Variants in CADPS observed in about 807,000 individuals in gnomAD.
CADPS encodes calcium dependent secretion activator, also known as calcium-dependent secretion activator 1.
A neutral mutation model predicts 167.3 loss-of-function variants in CADPS; 57 were observed. That is an observed-to-expected ratio of 0.34 (90% CI 0.28 to 0.42). The LOEUF is 0.42. Among genes scored for constraint, CADPS ranks in the 20% least tolerant of loss-of-function variants. The pLI is 1.00. For missense variants in CADPS, 1,414 were observed against 1,738.1 expected (o/e 0.81, Z 3.32); for synonymous variants, 676 against 635.3 (o/e 1.06, Z -0.96).
At chr3:62,854,509 C>G (rs2079264950) in intron 1 of CADPS, among the ~76,000 whole-genome samples, 1 of 152,158 alleles carries the variant, frequency 6.6e-6, no homozygotes, top group East Asian at 1.9e-4. Context: ...TCTCTGCTGT[C>G]AAGGAATATC....
intron 4 of CADPS, among the ~76,000 whole-genome samples, chr3:62,654,750 A>T (rs1022005206): frequency 6.6e-6 from 1 of 152,106 alleles, no homozygotes; most frequent in East Asian, 1.9e-4. Flanking sequence ...ACCTCAGTGA[A>T]CTACATGGTA....
chr3:62,597,183 A>G (rs1322622692), intron 6 of CADPS, among the ~76,000 whole-genome samples: 1 of 152,106 alleles, frequency 6.6e-6, no homozygotes, highest in Admixed American at 6.5e-5. Flanking sequence ...TCTACAAAAA[A>G]CAAAGTAAAA....
chr3:62,828,061 G>C (rs1178642573), intron 1 of CADPS, among the ~76,000 whole-genome samples: 1 of 152,160 alleles, frequency 6.6e-6, no homozygotes, highest in Non-Finnish European at 1.5e-5. Flanking sequence ...GTGTGGGACT[G>C]TCCTATGCCT....
intron 6 of CADPS, among the ~76,000 whole-genome samples, chr3:62,600,935 A>G (rs2059867250): frequency 6.6e-6 from 1 of 152,204 alleles, no homozygotes; most frequent in South Asian, 2.1e-4. Context: ...CCTGGGCAAC[A>G]TAGTGATACC....
At chr3:62,729,628 A>C (rs1045328248) in intron 3 of CADPS, among the ~76,000 whole-genome samples, 1 of 151,942 alleles carries the variant, frequency 6.6e-6, no homozygotes, top group African/African-American at 2.4e-5. Context: ...AAAAGTATTT[A>C]CCTTATTGGG....
At chr3:62,518,019 G>C (rs1198788625) in intron 14 of CADPS, 130 bp downstream of exon 14, 2 of 697,500 alleles carry the variant, frequency 2.9e-6, no homozygotes, top group East Asian at 5.1e-5. Context: ...TGATTTGCTT[G>C]TTCTACTCAG....
At chr3:62,820,802 T>G (rs953904041) in intron 1 of CADPS, among the ~76,000 whole-genome samples, 4 of 150,986 alleles carry the variant, frequency 2.6e-5, no homozygotes, top group Admixed American at 1.3e-4. Flanking sequence ...TTGGTTTTTT[T>G]TTTTTTTCTG....
chr3:62,555,197 A>G (rs1302052135), intron 10 of CADPS, among the ~76,000 whole-genome samples: 1 of 152,248 alleles, frequency 6.6e-6, no homozygotes, highest in African/African-American at 2.4e-5. Context: ...ATTATTCTCA[A>G]GAACATAATT....
At chr3:62,515,237 C>T (rs924335113) in intron 16 of CADPS, among the ~76,000 whole-genome samples, 7 of 152,034 alleles carry the variant, frequency 4.6e-5, no homozygotes, top group African/African-American at 7.2e-5. Context: ...TTCCAGAATG[C>T]GGACACATCG....
In CADPS at chr3:62,720,295, G is replaced by A. The variant is rs371975512; in HGVS notation, c.888+33146C>T. Among the ~76,000 whole-genome samples the A allele has an allele frequency of 1.7e-4, 25 of 151,498 alleles. No homozygotes were observed. The East Asian group carries it at 3.1e-3, about 19-fold the overall frequency. ...TCATTTCAACTTCACAAGAATGCAG[G>A]AATGGTATCAGGGGGGCATTTTTGC... On this transcript the variant is annotated intron_variant, in intron 3 of 29. Coordinates refer to ENST00000383710, the MANE Select transcript of CADPS (RefSeq NM_003716.4).
rs1393617784 is a variant in CADPS, at chr3:62,420,036, A to G, written c.3778-16851T>C. Among the ~76,000 whole-genome samples the G allele has an allele frequency of 6.6e-6, 1 of 152,162 alleles. No individual in the cohort carries two copies. Among genetic ancestry groups the G allele is most frequent in the Non-Finnish European group, 1.5e-5 (1 of 68,032 alleles). On this transcript the variant is annotated intron_variant, in intron 28 of 29. Transcript: ENST00000383710. This position sits in a 1 kb window ranked among gnomAD's most constrained non-coding sequence, Gnocchi z 4.1. Reference sequence around the variant, plus strand: ...GCTTTCCCGGGCTGAGGTGGTTTTCATCATTACTCTCAACATACAAAAGCA... The same window carrying G: ...GCTTTCCCGGGCTGAGGTGGTTTTCGTCATTACTCTCAACATACAAAAGCA...
intron 3 of CADPS, among the ~76,000 whole-genome samples, chr3:62,733,955 T>C (rs1671360356): frequency 6.6e-6 from 1 of 152,224 alleles, no homozygotes; most frequent in Non-Finnish European, 1.5e-5. Flanking sequence ...TTTCCATTCC[T>C]GAGTTACTTC....
At chr3:62,470,677 A>C (rs1420248664) in intron 24 of CADPS, 1 of 152,210 alleles carries the variant, frequency 6.6e-6, no homozygotes, top group Admixed American at 6.5e-5. Flanking sequence ...ACAGCTGGTC[A>C]TTTAAGTGTC....
intron 1 of CADPS, among the ~76,000 whole-genome samples, chr3:62,769,065 G>A (rs767674609): frequency 3.9e-5 from 6 of 152,110 alleles, no homozygotes; most frequent in Non-Finnish European, 5.9e-5. Flanking sequence ...CTGGGCAAAT[G>A]ACTAACCTCT....
intron 4 of CADPS, among the ~76,000 whole-genome samples, chr3:62,659,503 AG>A (rs1349285152): frequency 2.6e-5 from 4 of 152,220 alleles, no homozygotes; most frequent in Non-Finnish European, 5.9e-5. Context: ...GGATGTCCTC[AG>A]GATTGTGGGC....
In CADPS at chr3:62,491,410, C is replaced by T; in HGVS notation, c.2955G>A (p.Val985=). 1 of 1,614,106 alleles carries T rather than the reference C, an allele frequency of 6.2e-7. No homozygotes were observed. Among genetic ancestry groups the T allele is most frequent in the South Asian group, 1.1e-5 (1 of 91,078 alleles). Reference sequence around the variant, plus strand: ...GTGCAATTGAGGACTCCATCAGATCCACATATCTAACAACAAGTGGGGCAA... The same window carrying T: ...GTGCAATTGAGGACTCCATCAGATCTACATATCTAACAACAAGTGGGGCAA... ...DLFAPLVVRY[V]DLMESSIAQS... The change falls in exon 21 of 30, where the codon GTG becomes GTA. Residue 985 remains valine (V), a synonymous_variant. Transcript: ENST00000383710.
chr3:62,586,823 C>A (rs1248800053), intron 7 of CADPS, among the ~76,000 whole-genome samples: 1 of 152,112 alleles, frequency 6.6e-6, no homozygotes, highest in Non-Finnish European at 1.5e-5. Flanking sequence ...TAATATATTA[C>A]CTTATCACAT....
chr3:62,413,531 T>C (rs13090161), intron 28 of CADPS, among the ~76,000 whole-genome samples: 13,391 of 152,218 alleles, frequency 0.088, 682 homozygotes, highest in Non-Finnish European at 0.11. Flanking sequence ...CACGAAAAGA[T>C]AAAAACTGTA....
intron 13 of CADPS, among the ~76,000 whole-genome samples, chr3:62,525,153 C>T (rs2151859362): frequency 6.6e-6 from 1 of 151,952 alleles, no homozygotes; most frequent in East Asian, 1.9e-4. Context: ...TGCTATGGGC[C>T]AGAAAGATTG....
Sources: gnomAD v4.1 joint callset for allele counts (sites outside exome capture counted in the v4.1 genomes callset) on GRCh38, gnomAD v4.1.1 for gene constraint, Gnocchi (gnomAD v3.1) non-coding constraint, MANE v1.5 for transcripts, NCBI Gene and HGNC (gene_info 2026-07-23, HGNC 2026-07-21) for gene names.